NEDD4L: variants seen among roughly 807,000 people sequenced by gnomAD.
NEDD4L encodes NEDD4 like E3 ubiquitin protein ligase, also known as E3 ubiquitin-protein ligase NEDD4-like.
Under a neutral mutation model 148.9 loss-of-function variants are expected in NEDD4L, and 54 were observed. The observed-to-expected ratio is 0.36, with a 90% confidence interval of 0.29 to 0.45. NEDD4L has a LOEUF of 0.45. Ranked by LOEUF, NEDD4L falls within the 20% of genes least tolerant of loss-of-function variation. NEDD4L has a pLI of 1.00. For missense variants in NEDD4L, 856 were observed against 1,233.8 expected (o/e 0.69, Z 4.59); for synonymous variants, 433 against 440.7 (o/e 0.98, Z 0.22).
intron 1 of NEDD4L, among the ~76,000 whole-genome samples, chr18:58,097,930 G>C (rs1437472382): frequency 6.6e-6 from 1 of 152,182 alleles, no homozygotes; most frequent in East Asian, 1.9e-4. Flanking sequence ...TTGGGAGGCG[G>C]ATGTGGGAGG....
intron 1 of NEDD4L, among the ~76,000 whole-genome samples, chr18:58,098,634 C>G (rs2084571475): frequency 1.3e-5 from 2 of 152,188 alleles, no homozygotes; most frequent in African/African-American, 4.8e-5. Context: ...CAGTTGCTAG[C>G]TGCTGCCATC....
chr18:58,256,286 G>A lies in NEDD4L; in HGVS notation c.297+4232G>A, dbSNP rs1250199776. On this transcript the variant is annotated intron_variant, in intron 5 of 30. Coordinates refer to ENST00000400345, the MANE Select transcript of NEDD4L (RefSeq NM_001144967.3). This position sits in a 1 kb window ranked among gnomAD's most constrained non-coding sequence, Gnocchi z 5.2. Reference sequence around the variant, plus strand: ...GCCCCTGGGCCCCGATGGCCAGGGCGGCCCGGCCGCGGCAGAGCCCAGGCG... The same window carrying A: ...GCCCCTGGGCCCCGATGGCCAGGGCAGCCCGGCCGCGGCAGAGCCCAGGCG... The A allele has an allele frequency of 4.1e-6, 5 of 1,231,384 alleles. No individual in the cohort carries two copies. Among genetic ancestry groups the A allele is most frequent in the East Asian group, 6.3e-5 (2 of 31,706 alleles). 76.3% of individuals were successfully genotyped at this position (1,231,384 alleles called of 1,614,324 possible). A position where few individuals can be genotyped will look rare whatever the true frequency, so the allele number is the denominator to read the frequency against.
chr18:58,077,160 CTTTTTTTTTTTTTTTTT>C (rs60248050), intron 1 of NEDD4L, among the ~76,000 whole-genome samples: 12 of 48,920 alleles, frequency 2.5e-4, no homozygotes, highest in South Asian at 1.1e-3. Context: ...CTCATAACGG[CTTTTTTTTTTTTTTTTT>C]TTTTTTTTTT....
At chr18:58,053,307 CA>C (rs1434352273) in intron 1 of NEDD4L, among the ~76,000 whole-genome samples, 1 of 147,496 alleles carries the variant, frequency 6.8e-6, no homozygotes, top group Non-Finnish European at 1.5e-5. Context: ...CCTGTGTTAA[CA>C]ATTTTTTTTT....
chr18:58,360,256 A>G (rs891505858), intron 19 of NEDD4L, among the ~76,000 whole-genome samples: 6 of 152,164 alleles, frequency 3.9e-5, no homozygotes, highest in African/African-American at 1.4e-4. Context: ...TGTTCTGGAA[A>G]ATTCTCAGCT....
chr18:58,108,569 C>T (rs1390914900), intron 1 of NEDD4L, among the ~76,000 whole-genome samples: 1 of 152,024 alleles, frequency 6.6e-6, no homozygotes, highest in Non-Finnish European at 1.5e-5. Context: ...TTTAGGCATC[C>T]GCCACCACGC....
intron 5 of NEDD4L, among the ~76,000 whole-genome samples, chr18:58,261,764 G>A (rs1208896753): frequency 5.3e-5 from 8 of 152,192 alleles, no homozygotes; most frequent in Non-Finnish European, 1.2e-4. Context: ...TTGTGCAACT[G>A]TCAATGATCT....
chr18:58,057,492 G>T (rs904419257), intron 1 of NEDD4L, among the ~76,000 whole-genome samples: 1 of 152,134 alleles, frequency 6.6e-6, no homozygotes, highest in African/African-American at 2.4e-5. Context: ...TGAGAATCTC[G>T]CTTGGTCATT....
chr18:58,145,162 T>C (rs1326855867), intron 1 of NEDD4L, among the ~76,000 whole-genome samples: 1 of 152,116 alleles, frequency 6.6e-6, no homozygotes, highest in Non-Finnish European at 1.5e-5. Flanking sequence ...GAGGCTCTCC[T>C]ACCAGGGCCC....
At chr18:58,067,045 T>C (rs2082636945) in intron 1 of NEDD4L, among the ~76,000 whole-genome samples, 1 of 152,218 alleles carries the variant, frequency 6.6e-6, no homozygotes, top group African/African-American at 2.4e-5. Context: ...ATTTTTAAGA[T>C]TAGCTTATCA....
chr18:58,312,081 T>A (rs2057765339), intron 5 of NEDD4L, among the ~76,000 whole-genome samples: 2 of 152,236 alleles, frequency 1.3e-5, no homozygotes, highest in African/African-American at 2.4e-5. Flanking sequence ...ATTTGTGTAT[T>A]TATTTAACTT....
chr18:58,336,326 C>A (rs1286302334), intron 13 of NEDD4L, among the ~76,000 whole-genome samples: 1 of 152,110 alleles, frequency 6.6e-6, no homozygotes, highest in African/African-American at 2.4e-5. Flanking sequence ...GCCTGTAATC[C>A]CAGCACCTTG....
At chr18:58,343,368 A>T (rs761641010) in intron 16 of NEDD4L, among the ~76,000 whole-genome samples, 14 of 152,274 alleles carry the variant, frequency 9.2e-5, no homozygotes, top group Non-Finnish European at 1.3e-4. Context: ...ACCGTGCTGG[A>T]TGGAAAGGTA....
intron 22 of NEDD4L, among the ~76,000 whole-genome samples, chr18:58,368,294 T>TA (rs1370911234): frequency 6.6e-6 from 1 of 152,238 alleles, no homozygotes; most frequent in Non-Finnish European, 1.5e-5. Context: ...AAAATAATGT[T>TA]ACTGCTTAGC....
At chr18:58,141,261 C>A (rs1349031808) in intron 1 of NEDD4L, among the ~76,000 whole-genome samples, 2 of 152,172 alleles carry the variant, frequency 1.3e-5, no homozygotes, top group Non-Finnish European at 2.9e-5. Flanking sequence ...ATTGTCCCTA[C>A]ACAAGGCAAC....
intron 5 of NEDD4L, among the ~76,000 whole-genome samples, chr18:58,296,713 G>A (rs187322234): frequency 1.3e-5 from 2 of 152,302 alleles, no homozygotes; most frequent in East Asian, 3.9e-4. Context: ...CCTGAGGTCA[G>A]GAGTTTGAGA....
chr18:58,205,250 G>A (rs908973931), intron 2 of NEDD4L, among the ~76,000 whole-genome samples: 2 of 152,176 alleles, frequency 1.3e-5, no homozygotes, highest in Non-Finnish European at 2.9e-5. Flanking sequence ...AGGCACAGTT[G>A]TGGGTTGGTA....
intron 2 of NEDD4L, among the ~76,000 whole-genome samples, chr18:58,238,595 C>T (rs1051738754): frequency 6.6e-6 from 1 of 151,970 alleles, no homozygotes; most frequent in Non-Finnish European, 1.5e-5. Context: ...AATTGCTTCC[C>T]AATTATTGGA....
intron 1 of NEDD4L, among the ~76,000 whole-genome samples, chr18:58,048,789 A>T (rs955044757): frequency 1.3e-5 from 2 of 152,202 alleles, no homozygotes; most frequent in African/African-American, 4.8e-5. Flanking sequence ...AGTTACAGTC[A>T]GTGGCTGGCA....
Sources: gnomAD v4.1 joint callset for allele counts (sites outside exome capture counted in the v4.1 genomes callset) on GRCh38, gnomAD v4.1.1 for gene constraint, Gnocchi (gnomAD v3.1) non-coding constraint, MANE v1.5 for transcripts, NCBI Gene and HGNC (gene_info 2026-07-23, HGNC 2026-07-21) for gene names.